Variants in SPAG6 observed in about 807,000 individuals in gnomAD.
SPAG6 encodes sperm-associated antigen 6.
SPAG6 carries 49 observed loss-of-function variants against 58.5 expected under a neutral mutation model. The observed-to-expected ratio is 0.84, with a 90% CI of 0.67 to 1.06. The LOEUF (loss-of-function observed/expected upper bound fraction) is 1.06. Ranked by LOEUF, SPAG6 falls within the 50% of genes least tolerant of loss-of-function variation. The pLI is 0.00. For synonymous variants in SPAG6, 233 were observed against 225.6 expected (o/e 1.03, Z -0.29); for missense variants, 560 against 611.3 (o/e 0.92, Z 0.89).
intron 2 of SPAG6, among the ~76,000 whole-genome samples, chr10:22,356,876 T>C (rs541007568): frequency 1.3e-5 from 2 of 152,330 alleles, no homozygotes; most frequent in South Asian, 4.1e-4. Flanking sequence ...GATCCTTCTT[T>C]ACAAACTGTG....
In SPAG6 at chr10:22,345,790, C is replaced by T. The variant is rs1424990135; in HGVS notation, c.93C>T (p.Pro31=). The T allele has an allele frequency of 4.3e-6, 7 of 1,613,612 alleles. No homozygotes were observed. Among genetic ancestry groups the T allele is most frequent in the South Asian group, 1.1e-5 (1 of 91,034 alleles). ...VQMVAELATR[P]QNIETLQNAG... ...TGGTGGCGGAGCTGGCGACTAGACC[C>T]CAAAACATCGAGACGCTGCAGAACG... The change falls in exon 2 of 11, where the codon CCC becomes CCT. Residue 31 remains proline (P), a synonymous_variant. Transcript: ENST00000376624. This position sits in a 1 kb window ranked among gnomAD's most constrained non-coding sequence, Gnocchi z 6.3.
intron 6 of SPAG6, among the ~76,000 whole-genome samples, chr10:22,388,749 G>A (rs985371090): frequency 2.0e-5 from 3 of 152,042 alleles, no homozygotes; most frequent in African/African-American, 7.2e-5. Context: ...CTAGCAAAGG[G>A]GGAATAATTA....
chr10:22,369,151 G>A (rs749652772), intron 4 of SPAG6, among the ~76,000 whole-genome samples: 37 of 152,156 alleles, frequency 2.4e-4, no homozygotes, highest in Non-Finnish European at 2.9e-4. Context: ...GCACGAGTGA[G>A]TGATGTTGAG....
Position 22,345,889 on chromosome 10 carries a change from G to T in SPAG6, c.121+71G>T. On this transcript the variant is annotated intron_variant, in intron 2 of 10. Transcript: ENST00000376624. This position sits in a 1 kb window ranked among gnomAD's most constrained non-coding sequence, Gnocchi z 6.3. ...CCCGACGCCTCCGCCCCGCTGCCCT[G>T]CCCGTGGAGCTCTTGGGGAGCCGCA... 2 of 1,579,248 alleles carry T rather than the reference G, an allele frequency of 1.3e-6. No individual in the cohort carries two copies. The highest frequency in any genetic ancestry group is 1.7e-6 in the Non-Finnish European group (2 of 1,163,004).
chr10:22,397,567 C>T (rs931236253), intron 8 of SPAG6, among the ~76,000 whole-genome samples: 1 of 152,146 alleles, frequency 6.6e-6, no homozygotes, highest in African/African-American at 2.4e-5. Context: ...CCACCTGCCT[C>T]GGCCTCCCAA....
At chr10:22,393,466 A>C (rs1441612366) in intron 8 of SPAG6, among the ~76,000 whole-genome samples, 1 of 152,188 alleles carries the variant, frequency 6.6e-6, no homozygotes, top group Admixed American at 6.5e-5. Context: ...AATTATTATG[A>C]TATTATGTTG....
chr10:22,386,798 G>C lies in SPAG6; in HGVS notation c.517G>C (p.Val173Leu), dbSNP rs1834073870. 1 of 1,613,464 alleles carries C rather than the reference G, an allele frequency of 6.2e-7. No individual in the cohort carries two copies. The highest frequency in any genetic ancestry group is 8.5e-7 in the Non-Finnish European group (1 of 1,179,622). The change falls in exon 5 of 11, where the codon GTA (valine) becomes CTA (leucine). Residue 173 changes from valine to leucine, a missense_variant. Val to Leu is a conservative substitution (Grantham distance 32). Transcript: ENST00000376624. ...GGATGCAGGAGCTGTTCCTCTTTTAGTACTCTGTATCCAGGAGCCAGAAAT... is the reference window on the plus strand; with the variant it reads ...GGATGCAGGAGCTGTTCCTCTTTTACTACTCTGTATCCAGGAGCCAGAAAT... ...VVDAGAVPLL[V>L]LCIQEPEIAL...
At chr10:22,353,702 A>G (rs924221354) in intron 2 of SPAG6, among the ~76,000 whole-genome samples, 1 of 152,240 alleles carries the variant, frequency 6.6e-6, no homozygotes, top group Non-Finnish European at 1.5e-5. Context: ...AATCGGAGGC[A>G]TAGTCCCTGT....
chr10:22,369,066 T>G (rs550267812), intron 4 of SPAG6, among the ~76,000 whole-genome samples: 15 of 152,266 alleles, frequency 9.9e-5, no homozygotes, highest in Admixed American at 9.2e-4. Flanking sequence ...ATTATTTTAG[T>G]TAGTCACCCT....
chr10:22,346,520 T>C (rs968429313), intron 2 of SPAG6, among the ~76,000 whole-genome samples: 1 of 151,558 alleles, frequency 6.6e-6, no homozygotes. Flanking sequence ...TTCCTCTTCT[T>C]CTTCTTCTTT....
rs111720700 is a variant in SPAG6, at chr10:22,364,877, T to C, written c.146T>C (p.Leu49Pro). Residue 49 changes from leucine (L) to proline (P), a missense_variant, in exon 3 of 11, where the codon CTT (leucine) becomes CCT (proline). Transcript: ENST00000376624. ...GGTGTAATGTCTTTGCTGAGAACTC[T>C]TCTTCTGGACGTGGTCCCAACAATT... ...NAGVMSLLRT[L>P]LLDVVPTIQQ... 6.2e-7 allele frequency: 1 copy of C among 1,610,684 alleles called. No homozygotes were observed. The highest frequency in any genetic ancestry group is 1.1e-5 in the South Asian group (1 of 90,084).
At chr10:22,401,333 T>A (rs1834409848) in intron 9 of SPAG6, 56 bp downstream of exon 9, 4 of 927,628 alleles carry the variant, frequency 4.3e-6, no homozygotes, top group African/African-American at 1.7e-5. Context: ...TTGTTGTTAT[T>A]TTTTTTTTCT....
rs566784021 is a variant in SPAG6 at position 22,416,733 on chromosome 10, G to A, written c.*45G>A. 3.6e-6 allele frequency: 4 copies of A among 1,099,370 alleles called. No homozygotes were observed. The South Asian group carries it at 5.2e-5, about 14-fold the overall frequency. The allele number at this position is 1,099,370 out of a possible 1,614,324, so 68.1% of individuals were successfully genotyped here. ...CTCAAATTCACAGCAGAGTAGTTTT[G>A]AGTAACAGTAATTAAATCCTTCTAA... is the stretch of plus-strand genomic sequence containing the variant. On this transcript the variant is annotated 3_prime_UTR_variant, in exon 11 of 11. Transcript: ENST00000376624.
At chr10:22,362,872 A>G (rs1428135466) in intron 2 of SPAG6, among the ~76,000 whole-genome samples, 1 of 152,078 alleles carries the variant, frequency 6.6e-6, no homozygotes, top group Admixed American at 6.5e-5. Context: ...CAAATGGCCA[A>G]TGAGCACATA....
intron 8 of SPAG6, among the ~76,000 whole-genome samples, chr10:22,400,006 G>A (rs1213827832): frequency 6.6e-6 from 1 of 152,086 alleles, no homozygotes; most frequent in East Asian, 1.9e-4. Context: ...CAAGCAATAA[G>A]AGGCTATGCA....
In SPAG6 at chr10:22,365,036, A is replaced by C. The variant is rs1449654629; in HGVS notation, c.288+17A>C. On this transcript the variant is annotated intron_variant, in intron 3 of 10. Transcript: ENST00000376624. ...GAACAGAATGTAAGAATTAAAAAAAACTAGTTATATGTTTTTTTGTTTTAG... is the reference window on the plus strand; with the variant it reads ...GAACAGAATGTAAGAATTAAAAAAACCTAGTTATATGTTTTTTTGTTTTAG... The C allele has an allele frequency of 6.4e-7, 1 of 1,562,290 alleles. No individual in the cohort carries two copies. Among genetic ancestry groups the C allele is most frequent in the South Asian group, 1.2e-5 (1 of 84,244 alleles).
chr10:22,381,049 T>A (rs2132072889), intron 4 of SPAG6, among the ~76,000 whole-genome samples: 1 of 152,300 alleles, frequency 6.6e-6, no homozygotes, highest in African/African-American at 2.4e-5. Flanking sequence ...GAGTAATCCT[T>A]TCTTAAGAGT....
chr10:22,350,748 G>A (rs1836703730), intron 2 of SPAG6, among the ~76,000 whole-genome samples: 1 of 152,040 alleles, frequency 6.6e-6, no homozygotes, highest in South Asian at 2.1e-4. Flanking sequence ...TTGGTTTATG[G>A]TACCCTTGCT....
intron 4 of SPAG6, among the ~76,000 whole-genome samples, chr10:22,370,869 G>C (rs1833668468): frequency 6.6e-6 from 1 of 151,984 alleles, no homozygotes; most frequent in Admixed American, 6.6e-5. Context: ...TTTTTTTTAA[G>C]TCAGAGGGAC....
Sources: gnomAD v4.1 joint callset for allele counts (sites outside exome capture counted in the v4.1 genomes callset) on GRCh38, gnomAD v4.1.1 for gene constraint, Gnocchi (gnomAD v3.1) non-coding constraint, MANE v1.5 for transcripts, NCBI Gene and HGNC (gene_info 2026-07-23, HGNC 2026-07-21) for gene names.